ANKS1B: variants seen among roughly 807,000 people sequenced by gnomAD.
The protein encoded by ANKS1B is ankyrin repeat and sterile alpha motif domain-containing protein 1B.
A neutral mutation model predicts 148.3 loss-of-function variants in ANKS1B; 36 were observed. The ratio of observed to expected loss-of-function variants is 0.24; its 90% CI spans 0.19 to 0.32. The LOEUF is 0.32. Ranked by LOEUF, ANKS1B falls within the 10% of genes least tolerant of loss-of-function variation. The pLI is 1.00. For synonymous variants in ANKS1B, 542 were observed against 560.8 expected (o/e 0.97, Z 0.47); for missense variants, 1,157 against 1,542.6 (o/e 0.75, Z 4.19).
In ANKS1B at chr12:99,952,212, T is replaced by A. The variant is rs559662223; in HGVS notation, c.134+31892A>T. ...GGCACCTGCAAAAGGCTTGGATACATGAATTCATGCATGGAACCCCTATTG... is the reference window on the plus strand; with the variant it reads ...GGCACCTGCAAAAGGCTTGGATACAAGAATTCATGCATGGAACCCCTATTG... On this transcript the variant is annotated intron_variant, in intron 1 of 26. Coordinates refer to ENST00000683438, the MANE Select transcript of ANKS1B (RefSeq NM_001352186.2). Among the ~76,000 whole-genome samples, 6 of 152,258 alleles carry A rather than the reference T, an allele frequency of 3.9e-5. No individual in the cohort carries two copies. The South Asian group carries it at 1.2e-3, about 32-fold the overall frequency.
intron 12 of ANKS1B, among the ~76,000 whole-genome samples, chr12:99,336,009 A>T (rs1566917218): frequency 6.6e-6 from 1 of 152,108 alleles, no homozygotes; most frequent in Non-Finnish European, 1.5e-5. Flanking sequence ...TTTTCTCCAC[A>T]TCCTCGCTAG....
intron 8 of ANKS1B, among the ~76,000 whole-genome samples, chr12:99,741,744 G>A (rs1270586080): frequency 1.3e-5 from 2 of 151,976 alleles, no homozygotes; most frequent in Admixed American, 6.6e-5. Flanking sequence ...GGGGCCTGTC[G>A]AGGTGGGGGG....
chr12:99,375,676 T>TA (rs34028224), intron 12 of ANKS1B, among the ~76,000 whole-genome samples: 19,772 of 148,716 alleles, frequency 0.13, 1,336 homozygotes, highest in African/African-American at 0.19. Context: ...TAAGACATGT[T>TA]AAAAAAAAAA....
chr12:98,940,333 C>G (rs1285764566), intron 17 of ANKS1B, among the ~76,000 whole-genome samples: 1 of 152,162 alleles, frequency 6.6e-6, no homozygotes, highest in Non-Finnish European at 1.5e-5. Flanking sequence ...AAAGGCACAG[C>G]CTACTGATGC....
At chr12:99,310,858 T>C (rs1173255887) in intron 12 of ANKS1B, among the ~76,000 whole-genome samples, 1 of 152,150 alleles carries the variant, frequency 6.6e-6, no homozygotes, top group Non-Finnish European at 1.5e-5. Flanking sequence ...TATAGCCAGA[T>C]TGGTTAGGTT....
chr12:99,192,949 A>G (rs951135704), intron 14 of ANKS1B, among the ~76,000 whole-genome samples: 3 of 152,176 alleles, frequency 2.0e-5, no homozygotes, highest in Admixed American at 2.0e-4. Flanking sequence ...TAGTATTGCA[A>G]GCTAAAATCT....
intron 12 of ANKS1B, among the ~76,000 whole-genome samples, chr12:99,321,448 C>A (rs1380240452): frequency 6.6e-6 from 1 of 152,220 alleles, no homozygotes; most frequent in East Asian, 1.9e-4. Context: ...GCAGTTCAAT[C>A]TCAGACTGCT....
At chr12:99,805,510 C>A (rs959720865) in intron 4 of ANKS1B, among the ~76,000 whole-genome samples, 1 of 151,932 alleles carries the variant, frequency 6.6e-6, no homozygotes, top group African/African-American at 2.4e-5. Context: ...TGCGGTCCCA[C>A]CAGCTACTGG....
chr12:99,575,875 A>G (rs926203696), intron 9 of ANKS1B, among the ~76,000 whole-genome samples: 1 of 152,172 alleles, frequency 6.6e-6, no homozygotes, highest in Non-Finnish European at 1.5e-5. Flanking sequence ...TAAAAACACA[A>G]TGACAGGATC....
At chr12:99,746,646 G>A (rs1229366244) in intron 8 of ANKS1B, among the ~76,000 whole-genome samples, 1 of 152,062 alleles carries the variant, frequency 6.6e-6, no homozygotes, top group African/African-American at 2.4e-5. Flanking sequence ...GACAGAGAGA[G>A]GTATAAACTT....
intron 24 of ANKS1B, among the ~76,000 whole-genome samples, chr12:98,775,619 A>AT (rs35251566): frequency 0.42 from 61,571 of 146,228 alleles, 12,903 homozygotes; most frequent in Middle Eastern, 0.5. Context: ...TATTTTCTGT[A>AT]TTTTTTTTTT....
chr12:98,793,346 C>T (rs2098909147), intron 22 of ANKS1B, among the ~76,000 whole-genome samples: 1 of 152,092 alleles, frequency 6.6e-6, no homozygotes, highest in African/African-American at 2.4e-5. Context: ...TTTGTCAACT[C>T]AAAATGGATT....
chr12:99,659,674 G>C (rs528150040), intron 8 of ANKS1B, among the ~76,000 whole-genome samples: 2 of 152,072 alleles, frequency 1.3e-5, no homozygotes, highest in South Asian at 2.1e-4. Context: ...ATGTGTGTAT[G>C]TGTAAATTAT....
chr12:98,868,825 G>A (rs888792884), intron 17 of ANKS1B, among the ~76,000 whole-genome samples: 19 of 152,216 alleles, frequency 1.2e-4, no homozygotes, highest in Admixed American at 7.2e-4. Flanking sequence ...CTAAAATAAA[G>A]GGTAGGGTGG....
chr12:99,714,256 TTCTCA>T (rs76684969), intron 8 of ANKS1B, among the ~76,000 whole-genome samples: 62,578 of 151,578 alleles, frequency 0.41, 13,152 homozygotes, highest in East Asian at 0.47. Flanking sequence ...TCATGCCTTC[TTCTCA>T]TAAGAACCCT....
chr12:99,422,602 T>C (rs1402733754), intron 11 of ANKS1B, among the ~76,000 whole-genome samples: 1 of 152,058 alleles, frequency 6.6e-6, no homozygotes, highest in Non-Finnish European at 1.5e-5. Flanking sequence ...ATCCTGATGT[T>C]TACAGCAGGA....
At chr12:98,882,232 C>T (rs969233564) in intron 17 of ANKS1B, among the ~76,000 whole-genome samples, 13 of 152,116 alleles carry the variant, frequency 8.5e-5, no homozygotes, top group African/African-American at 2.9e-4. Context: ...AGAATGTCTT[C>T]TACACCAAGT....
chr12:98,890,564 C>G (rs2099750373), intron 17 of ANKS1B, among the ~76,000 whole-genome samples: 1 of 152,132 alleles, frequency 6.6e-6, no homozygotes, highest in Non-Finnish European at 1.5e-5. Context: ...GTCTTGATGT[C>G]TAAACATAGG....
chr12:98,865,903 G>A (rs2099621874), intron 17 of ANKS1B, among the ~76,000 whole-genome samples: 1 of 152,178 alleles, frequency 6.6e-6, no homozygotes, highest in African/African-American at 2.4e-5. Flanking sequence ...AGGCTGGGAA[G>A]TCCAAGATCA....
Sources: allele counts gnomAD v4.1 joint callset (sites outside exome capture counted in the v4.1 genomes callset), GRCh38; gene constraint gnomAD v4.1.1; transcripts MANE v1.5; gene names NCBI Gene and HGNC (gene_info 2026-07-23, HGNC 2026-07-21).